Variants in AGBL1 observed in about 807,000 individuals in gnomAD.
AGBL1 encodes cytosolic carboxypeptidase 4.
A neutral mutation model predicts 118.9 loss-of-function variants in AGBL1; 130 were observed. The ratio of observed to expected loss-of-function variants is 1.09; its 90% CI spans 0.95 to 1.26. AGBL1 has a LOEUF of 1.26. Among genes scored for constraint, AGBL1 ranks in the 50% most tolerant of loss-of-function variants. AGBL1 has a pLI of 0.00. For missense variants in AGBL1, 1,584 were observed against 1,298.1 expected (o/e 1.22, Z -3.38); for synonymous variants, 555 against 478.9 (o/e 1.16, Z -2.08).
intron 22 of AGBL1, among the ~76,000 whole-genome samples, chr15:86,867,878 C>G (rs1262625285): frequency 6.6e-6 from 1 of 152,110 alleles, no homozygotes; most frequent in Admixed American, 6.5e-5. Context: ...TTATCCATGG[C>G]CGTCCAATAT....
chr15:86,994,731 T>C (rs1178021577), intron 24 of AGBL1, among the ~76,000 whole-genome samples: 3 of 152,082 alleles, frequency 2.0e-5, no homozygotes, highest in African/African-American at 7.3e-5. Flanking sequence ...TACCCTTCTA[T>C]ATTTTATAAG....
At chr15:86,779,724 A>G (rs1023496881) in intron 22 of AGBL1, among the ~76,000 whole-genome samples, 1 of 152,138 alleles carries the variant, frequency 6.6e-6, no homozygotes, top group Non-Finnish European at 1.5e-5. Flanking sequence ...TAATGGGGAA[A>G]TAGTGGGATT....
chr15:86,578,166 G>C (rs115293534), intron 21 of AGBL1, among the ~76,000 whole-genome samples: 2 of 152,224 alleles, frequency 1.3e-5, no homozygotes, highest in African/African-American at 4.8e-5. Flanking sequence ...CGTAAGTGCA[G>C]AGCTGCCCAA....
chr15:86,134,463 G>A (rs908249871), intron 1 of AGBL1, among the ~76,000 whole-genome samples: 1 of 152,082 alleles, frequency 6.6e-6, no homozygotes, highest in Admixed American at 6.6e-5. Context: ...GAGATCAGGG[G>A]CACTACTCAA....
intron 24 of AGBL1, among the ~76,000 whole-genome samples, chr15:87,002,044 G>T (rs2081444764): frequency 6.6e-6 from 1 of 152,000 alleles, no homozygotes; most frequent in Admixed American, 6.6e-5. Flanking sequence ...TAGGCATGAA[G>T]TCCTTGCCCA....
intron 17 of AGBL1, chr15:86,296,042 G>T (rs1358602585): frequency 1.3e-5 from 2 of 152,308 alleles, no homozygotes; most frequent in African/African-American, 4.8e-5. Flanking sequence ...GTGTATACAT[G>T]TGTAGACACA....
chr15:86,583,340 C>G (rs2084200223), intron 21 of AGBL1, among the ~76,000 whole-genome samples: 1 of 151,862 alleles, frequency 6.6e-6, no homozygotes, highest in South Asian at 2.1e-4. Context: ...ACCCTTGCCC[C>G]CTCCCTACCC....
chr15:86,639,727 T>C (rs1185292245), intron 21 of AGBL1, among the ~76,000 whole-genome samples: 1 of 152,166 alleles, frequency 6.6e-6, no homozygotes, highest in African/African-American at 2.4e-5. Flanking sequence ...CAACTGCTGA[T>C]CCCTCTTTGG....
intron 22 of AGBL1, among the ~76,000 whole-genome samples, chr15:86,687,370 C>G (rs1193607310): frequency 1.3e-5 from 2 of 152,002 alleles, no homozygotes; most frequent in Non-Finnish European, 2.9e-5. Context: ...TGAGGCTTGC[C>G]TGAAAGCTAA....
intron 23 of AGBL1, among the ~76,000 whole-genome samples, chr15:86,985,792 C>T (rs1332083746): frequency 6.6e-5 from 10 of 152,110 alleles, no homozygotes; most frequent in Non-Finnish European, 1.0e-4. Context: ...TGTATCTAAA[C>T]TGTATTTCCA....
intron 22 of AGBL1, among the ~76,000 whole-genome samples, chr15:86,887,042 G>A (rs1453984505): frequency 1.3e-5 from 2 of 152,262 alleles, no homozygotes; most frequent in Admixed American, 6.5e-5. Flanking sequence ...CAGTGAGAAG[G>A]TTTTGCTCAT....
intron 16 of AGBL1, among the ~76,000 whole-genome samples, chr15:86,282,517 T>A (rs1037188545): frequency 6.6e-6 from 1 of 152,206 alleles, no homozygotes; most frequent in Non-Finnish European, 1.5e-5. Flanking sequence ...AAAGACAATT[T>A]GTTACTTAAA....
At chr15:86,403,246 C>T (rs1015409788) in intron 18 of AGBL1, among the ~76,000 whole-genome samples, 3 of 152,120 alleles carry the variant, frequency 2.0e-5, no homozygotes, top group African/African-American at 7.2e-5. Flanking sequence ...TTTATAAAGT[C>T]AACACACAGC....
At chr15:86,467,409 C>G (rs144769276) in intron 18 of AGBL1, among the ~76,000 whole-genome samples, 253 of 152,340 alleles carry the variant, frequency 1.7e-3, no homozygotes, top group African/African-American at 5.9e-3. Context: ...TTGCTGGGCT[C>G]TGTTGGGGTG....
rs368285775 is a variant in AGBL1, at chr15:86,542,426, G to A, written c.2686-3576G>A. The stretch of plus-strand genomic sequence containing the variant: ...TTTTTGACCAGGCTGGAGTGCAATG[G>A]CACGATCTCGGCTCACTGCAACCTC... On this transcript the variant is annotated intron_variant, in intron 19 of 22. Transcript: ENST00000614907. Among the ~76,000 whole-genome samples, 256 of 146,550 alleles carry A rather than the reference G, an allele frequency of 1.7e-3. 1 individual carries two copies. The highest frequency in any genetic ancestry group is 6.4e-3 in the African/African-American group (248 of 39,000).
intron 22 of AGBL1, among the ~76,000 whole-genome samples, chr15:86,884,726 C>T (rs768028441): frequency 3.3e-5 from 5 of 152,126 alleles, no homozygotes; most frequent in African/African-American, 4.8e-5. Flanking sequence ...GTGGGAGAAC[C>T]GCTTGAACCT....
At chr15:86,571,021 G>A (rs1267127001) in intron 21 of AGBL1, among the ~76,000 whole-genome samples, 1 of 152,226 alleles carries the variant, frequency 6.6e-6, no homozygotes, top group Non-Finnish European at 1.5e-5. Flanking sequence ...TGATGCTATA[G>A]GGTGGGCAGC....
At chr15:86,705,995 G>GT (rs1240546653) in intron 22 of AGBL1, among the ~76,000 whole-genome samples, 1 of 151,874 alleles carries the variant, frequency 6.6e-6, no homozygotes, top group Non-Finnish European at 1.5e-5. Flanking sequence ...AAAATAAATA[G>GT]TTTTTTAAGT....
intron 22 of AGBL1, among the ~76,000 whole-genome samples, chr15:86,678,795 C>T (rs2085896276): frequency 6.6e-6 from 1 of 152,044 alleles, no homozygotes; most frequent in South Asian, 2.1e-4. Flanking sequence ...AGTATATTTA[C>T]ATATTATAAT....
Sources: gnomAD v4.1 joint callset for allele counts (sites outside exome capture counted in the v4.1 genomes callset) on GRCh38, gnomAD v4.1.1 for gene constraint, MANE v1.5 for transcripts, NCBI Gene and HGNC (gene_info 2026-07-23, HGNC 2026-07-21) for gene names.